IFIH1: variants seen among roughly 807,000 people sequenced by gnomAD.
IFIH1 encodes interferon-induced helicase C domain-containing protein 1.
IFIH1 carries 125 observed loss-of-function variants against 107.4 expected under a neutral mutation model. The ratio of observed to expected loss-of-function variants is 1.16; its 90% CI spans 1.01 to 1.35. The LOEUF (loss-of-function observed/expected upper bound fraction) is 1.35, where lower values mean the gene tolerates loss of function less well. IFIH1 is among the 40% of genes most tolerant of loss of function. IFIH1 has a pLI of 0.00. For missense variants in IFIH1, 1,333 were observed against 1,213.7 expected (o/e 1.10, Z -1.46); for synonymous variants, 458 against 413.2 (o/e 1.11, Z -1.31).
At position 162,314,404 on chromosome 2, in the gene IFIH1, T is replaced by C. The variant is rs1350406575; in HGVS notation, c.453+3451A>G. On this transcript the variant is annotated intron_variant, in intron 1 of 15. Transcript: ENST00000649979. Reference sequence around the variant, plus strand: ...CCTCCCTCCCTCCCTCCCTCCTTTCTTTCTTTCTTTCTTTTCTTTCTTTCT... The same window carrying C: ...CCTCCCTCCCTCCCTCCCTCCTTTCCTTCTTTCTTTCTTTTCTTTCTTTCT... Among the ~76,000 whole-genome samples the C allele has an allele frequency of 3.9e-3, 272 of 70,202 alleles. 18 individuals are homozygous for C. Among genetic ancestry groups the C allele is most frequent in the African/African-American group, 0.028 (253 of 9,178 alleles). The allele number at this position is 70,202 out of a possible 152,430, so 46.1% of individuals were successfully genotyped here.
chr2:162,288,107 C>A, intron 5 of IFIH1, 28 bp downstream of exon 5: 1 of 1,401,064 alleles, frequency 7.1e-7, no homozygotes, highest in South Asian at 1.2e-5. Context: ...TGAAAATGAT[C>A]AACTAGTGTT....
At position 162,314,396 on chromosome 2, in the gene IFIH1, CTCCTTTCT is replaced by C. The variant is rs1262188971; in HGVS notation, c.453+3451_453+3458del. ...CCTCCCTCCCTCCCTCCCTCCCTCCCTCCTTTCTTTCTTTCTTTCTTTTCTTTCTTTCT... is the reference window on the plus strand; with the variant it reads ...CCTCCCTCCCTCCCTCCCTCCCTCCCTTCTTTCTTTCTTTTCTTTCTTTCT... On this transcript the variant is annotated intron_variant, in intron 1 of 15. Transcript: ENST00000649979. 1.2e-4 allele frequency among the ~76,000 whole-genome samples: 8 copies of C among 66,670 alleles called. 3 individuals carry two copies. Among genetic ancestry groups the C allele is most frequent in the African/African-American group, 6.9e-4 (8 of 11,550 alleles). The allele number at this position is 66,670 out of a possible 152,430, so 43.7% of individuals were successfully genotyped here. A position where few individuals can be genotyped will look rare whatever the true frequency, so the allele number is the denominator to read the frequency against.
chr2:162,277,396 A>G lies in IFIH1; in HGVS notation c.2044+19T>C, dbSNP rs767876224. The G allele has an allele frequency of 6.4e-7, 1 of 1,557,142 alleles. No homozygotes were observed. Among genetic ancestry groups the G allele is most frequent in the Non-Finnish European group, 8.8e-7 (1 of 1,131,134 alleles). Reference sequence around the variant, plus strand: ...AAAGGTAAATGAATGACACCAGTATATGTTACTTTGAATCTTACCAAAAAA... The same window carrying G: ...AAAGGTAAATGAATGACACCAGTATGTGTTACTTTGAATCTTACCAAAAAA... On this transcript the variant is annotated intron_variant, in intron 10 of 15. Coordinates refer to ENST00000649979, the MANE Select transcript of IFIH1 (RefSeq NM_022168.4).
chr2:162,291,270 A>G (rs907203656), intron 4 of IFIH1, among the ~76,000 whole-genome samples: 2 of 151,866 alleles, frequency 1.3e-5, no homozygotes, highest in Non-Finnish European at 2.9e-5. Context: ...CAGCTGAGTT[A>G]TTCTTGGAGA....
At chr2:162,268,975 C>A (rs1311015316) in intron 13 of IFIH1, among the ~76,000 whole-genome samples, 1 of 142,912 alleles carries the variant, frequency 7.0e-6, no homozygotes, top group Non-Finnish European at 1.5e-5. Context: ...TATTACATTA[C>A]CAAGTCTTCT....
chr2:162,267,964 G>T, intron 14 of IFIH1, 123 bp downstream of exon 14: 1 of 633,070 alleles, frequency 1.6e-6, no homozygotes, highest in South Asian at 2.7e-5. Flanking sequence ...ATAATTGAGA[G>T]GCTAAAGGAG....
Position 162,310,901 on chromosome 2 carries a change from T to G in IFIH1, c.486A>C (p.Ser162=). 6.2e-7 allele frequency: 1 copy of G among 1,613,184 alleles called. No individual in the cohort carries two copies. Among genetic ancestry groups the G allele is most frequent in the Non-Finnish European group, 8.5e-7 (1 of 1,179,488 alleles). ...IAAAENNGNE[S]GVRELLKRIV... ...TCCTTTTTAGTAGCTCTCTTACACC[T>G]GATTCATTTCCATTGTTTTCTGCAG... Residue 162 remains serine, a synonymous_variant, in exon 2 of 16, where the codon TCA becomes TCC. Transcript: ENST00000649979.
chr2:162,280,201 G>A, intron 7 of IFIH1, 89 bp from the exon 8 acceptor site: 1 of 738,932 alleles, frequency 1.4e-6, no homozygotes, highest in Non-Finnish European at 2.3e-6. Flanking sequence ...TAAAAAATAT[G>A]TAGCATTAAA....
intron 5 of IFIH1, 41 bp downstream of exon 5, chr2:162,288,094 C>G: frequency 7.5e-7 from 1 of 1,324,768 alleles, no homozygotes; most frequent in African/African-American, 1.5e-5. Flanking sequence ...CAGAATAATA[C>G]AATGAAAATG....
chr2:162,282,169 T>C (rs1026410652), intron 6 of IFIH1, among the ~76,000 whole-genome samples, 197 bp downstream of exon 6: 8 of 151,974 alleles, frequency 5.3e-5, no homozygotes, highest in Non-Finnish European at 8.8e-5. Flanking sequence ...TTAATAATGG[T>C]ATTCTTATGC....
intron 4 of IFIH1, among the ~76,000 whole-genome samples, chr2:162,292,443 T>C (rs1311906259): frequency 6.6e-6 from 1 of 151,824 alleles, no homozygotes; most frequent in Non-Finnish European, 1.5e-5. Flanking sequence ...ACTAATTTGT[T>C]CTAAGGGATT....
intron 3 of IFIH1, among the ~76,000 whole-genome samples, chr2:162,305,603 A>T (rs1308565634): frequency 7.2e-5 from 11 of 152,016 alleles, no homozygotes; most frequent in African/African-American, 9.7e-5. Flanking sequence ...AAATGAAATT[A>T]AAAAAATAAA....
Position 162,318,056 on chromosome 2 carries a change from C to A in IFIH1, c.252G>T (p.Arg84=). The A allele has an allele frequency of 6.2e-7, 1 of 1,614,152 alleles. No homozygotes were observed. The highest frequency in any genetic ancestry group is 8.5e-7 in the Non-Finnish European group (1 of 1,180,022). ...GGGCGGCCAGAGGGCTGCCGGTTCTCCGGAGGGCCTCCACGAATTCCCGAG... is the reference window on the plus strand; with the variant it reads ...GGGCGGCCAGAGGGCTGCCGGTTCTACGGAGGGCCTCCACGAATTCCCGAG... ...GWTREFVEAL[R]RTGSPLAARY... is the part of the protein sequence containing the mutation. The change falls in exon 1 of 16, where the codon CGG becomes CGT. Residue 84 remains arginine (R), a synonymous_variant. Coordinates refer to ENST00000649979, the MANE Select transcript of IFIH1 (RefSeq NM_022168.4).
At chr2:162,311,509 T>G (rs1683384102) in intron 1 of IFIH1, among the ~76,000 whole-genome samples, 1 of 152,138 alleles carries the variant, frequency 6.6e-6, no homozygotes, top group African/African-American at 2.4e-5. Context: ...AAATTTGTGT[T>G]TTTTTAATGT....
At position 162,278,185 on chromosome 2, in the gene IFIH1, T is replaced by G; in HGVS notation, c.1765+20A>C. Reference sequence around the variant, plus strand: ...TATAAACATGGGATAAACTAAGTGTTAGGTCCAAACCTAAATTACCTTTTT... The same window carrying G: ...TATAAACATGGGATAAACTAAGTGTGAGGTCCAAACCTAAATTACCTTTTT... On this transcript the variant is annotated intron_variant, in intron 9 of 15. Transcript: ENST00000649979. 1 of 1,594,318 alleles carries G rather than the reference T, an allele frequency of 6.3e-7. No individual in the cohort carries two copies. The highest frequency in any genetic ancestry group is 1.8e-5 in the Admixed American group (1 of 55,518).
rs1682851458 is a variant in IFIH1, at chr2:162,283,849, A to T, written c.1096-1273T>A. 3.9e-5 allele frequency among the ~76,000 whole-genome samples: 6 copies of T among 151,942 alleles called. No homozygotes were observed. The South Asian group carries it at 1.2e-3, about 32-fold the overall frequency. On this transcript the variant is annotated intron_variant, in intron 5 of 15. Coordinates refer to ENST00000649979, the MANE Select transcript of IFIH1 (RefSeq NM_022168.4). ...CTGGAAGAAGGGGTGGGGAAGAGTT[A>T]AAATGAAATCCATAAATTCTAAGGA...
Position 162,278,224 on chromosome 2 carries a change from G to T in IFIH1, c.1746C>A (p.Ala582=). 6.2e-7 allele frequency: 1 copy of T among 1,603,744 alleles called. No homozygotes were observed. The highest frequency in any genetic ancestry group is 8.5e-7 in the Non-Finnish European group (1 of 1,176,540). The change falls in exon 9 of 16, where the codon GCC becomes GCA. Residue 582 remains alanine (A), a synonymous_variant. Transcript: ENST00000649979. ...DFGTQPYEQW[A]IQMEKKAAKE... is the part of the protein sequence containing the mutation. ...AATTACCTTTTTTTTCCATTTGAAT[G>T]GCCCATTGTTCATAGGGTTGAGTTC... is the stretch of plus-strand genomic sequence containing the variant.
Position 162,317,896 on chromosome 2 carries a change from A to G in IFIH1, c.412T>C (p.Cys138Arg), listed in dbSNP as rs759791512. 8 of 1,610,130 alleles carry G rather than the reference A, an allele frequency of 5.0e-6. No homozygotes were observed. The South Asian group carries it at 7.7e-5, about 16-fold the overall frequency. Residue 138 changes from cysteine to arginine, a missense_variant, in exon 1 of 16, where the codon TGC (cysteine) becomes CGC (arginine). Transcript: ENST00000649979. Reference sequence around the variant, plus strand: ...ATTGTCAACAGTTCCTCCTCCATGCACTTATCCAAGACGTCTCTAACTAGA... The same window carrying G: ...ATTGTCAACAGTTCCTCCTCCATGCGCTTATCCAAGACGTCTCTAACTAGA... ...KLLVRDVLDK[C>R]MEEELLTIED...
chr2:162,272,487 A>G (rs1169805003), intron 12 of IFIH1, 100 bp from the exon 13 acceptor site: 1 of 1,029,472 alleles, frequency 9.7e-7, no homozygotes, highest in Non-Finnish European at 1.4e-6. Flanking sequence ...ATGAAATGAT[A>G]TTGGGTTGTT....
Sources: allele counts gnomAD v4.1 joint callset (sites outside exome capture counted in the v4.1 genomes callset), GRCh38; gene constraint gnomAD v4.1.1; transcripts MANE v1.5; gene names NCBI Gene and HGNC (gene_info 2026-07-23, HGNC 2026-07-21).